The following CYP4F22 variants were observed in gnomAD, a reference collection of about 807,000 sequenced individuals.
The protein encoded by CYP4F22 is cytochrome P450 family 4 subfamily F member 22, also known as ultra-long-chain fatty acid omega-hydroxylase.
Under a neutral mutation model 60.4 loss-of-function variants are expected in CYP4F22, and 37 were observed. That is an observed-to-expected ratio of 0.61 (90% confidence interval 0.47 to 0.81). The LOEUF (loss-of-function observed/expected upper bound fraction) is 0.81, where lower values mean the gene tolerates loss of function less well. CYP4F22 is among the 30% of genes least tolerant of loss of function. The pLI, the probability that CYP4F22 is intolerant of heterozygous loss-of-function variation, is 0.00. For missense variants in CYP4F22, 655 were observed against 715.0 expected (o/e 0.92, Z 0.96); for synonymous variants, 258 against 280.5 (o/e 0.92, Z 0.80).
intron 1 of CYP4F22, among the ~76,000 whole-genome samples, chr19:15,512,079 A>G (rs1971099091): frequency 6.6e-6 from 1 of 152,212 alleles, no homozygotes; most frequent in Admixed American, 6.5e-5. Flanking sequence ...TCTATCAAAT[A>G]GCAATAATAG....
chr19:15,525,063 C>A (rs1971266084), intron 2 of CYP4F22, among the ~76,000 whole-genome samples: 1 of 152,156 alleles, frequency 6.6e-6, no homozygotes, highest in Non-Finnish European at 1.5e-5. Flanking sequence ...GGTTTCCCAG[C>A]CTGACCGGCT....
rs540292351 is a variant in CYP4F22, at chr19:15,523,379, A to G, written c.-108-314A>G. Among the ~76,000 whole-genome samples, 31 of 152,042 alleles carry G rather than the reference A, an allele frequency of 2.0e-4. No homozygotes were observed. The South Asian group carries it at 5.4e-3, about 26-fold the overall frequency. On this transcript the variant is annotated intron_variant, in intron 1 of 13. Transcript: ENST00000269703. ...CTGTCTCCAAACAAAAAACAAAAAA[A>G]CTCACAACAAGATCCCATGAGAACT...
intron 11 of CYP4F22, among the ~76,000 whole-genome samples, 198 bp from the exon 12 acceptor site, chr19:15,548,940 A>G (rs1971563625): frequency 1.3e-5 from 2 of 152,138 alleles, no homozygotes; most frequent in Admixed American, 6.6e-5. Context: ...TGGCAGCCAG[A>G]AAGAAGATGA....
At chr19:15,543,646 C>T (rs967527997) in intron 8 of CYP4F22, among the ~76,000 whole-genome samples, 1 of 151,984 alleles carries the variant, frequency 6.6e-6, no homozygotes, top group African/African-American at 2.4e-5. Flanking sequence ...CACTTGAGGC[C>T]ACGAGTTCGA....
intron 1 of CYP4F22, chr19:15,516,842 T>G: frequency 2.6e-6 from 1 of 380,410 alleles, no homozygotes; most frequent in East Asian, 8.3e-5. Flanking sequence ...ATTCTTTTTT[T>G]TTTTTTTTTT....
intron 4 of CYP4F22, among the ~76,000 whole-genome samples, chr19:15,531,141 C>T (rs1316622955): frequency 6.6e-6 from 1 of 152,128 alleles, no homozygotes; most frequent in East Asian, 1.9e-4. Context: ...ACTTGGGTGG[C>T]TGAGATGGGA....
At chr19:15,535,910 C>G (rs1302802918) in intron 4 of CYP4F22, among the ~76,000 whole-genome samples, 1 of 152,220 alleles carries the variant, frequency 6.6e-6, no homozygotes, top group Admixed American at 6.5e-5. Flanking sequence ...TCCAGAGTGA[C>G]TGCTGGGTCA....
intron 3 of CYP4F22, among the ~76,000 whole-genome samples, chr19:15,529,259 G>A (rs1361703808): frequency 6.6e-6 from 1 of 151,810 alleles, no homozygotes; most frequent in Non-Finnish European, 1.5e-5. Flanking sequence ...CTCCTGAGTA[G>A]CTGGGATTAC....
intron 4 of CYP4F22, 50 bp from the exon 5 acceptor site, chr19:15,537,311 A>G: frequency 1.2e-6 from 2 of 1,612,576 alleles, no homozygotes; most frequent in Non-Finnish European, 1.7e-6. Flanking sequence ...AAAAAACAAA[A>G]AACCAAAAAA....
At chr19:15,521,595 C>G (rs767424538) in intron 1 of CYP4F22, among the ~76,000 whole-genome samples, 5 of 152,140 alleles carry the variant, frequency 3.3e-5, no homozygotes, top group South Asian at 2.1e-4. Flanking sequence ...AATATCTCTT[C>G]GAGACACTGC....
chr19:15,525,454 C>G lies in CYP4F22; in HGVS notation c.118C>G (p.Leu40Val). The G allele has an allele frequency of 6.2e-7, 1 of 1,614,178 alleles. No homozygotes were observed. The highest frequency in any genetic ancestry group is 1.1e-5 in the South Asian group (1 of 91,088). Reference sequence around the variant, plus strand: ...GCTCTTCTTCCTGTTCCGCCTGCTGCTGCGGTTCCTGAGGCTCTGCAGGAG... The same window carrying G: ...GCTCTTCTTCCTGTTCCGCCTGCTGGTGCGGTTCCTGAGGCTCTGCAGGAG... ...FLLFFLFRLL[L>V]RFLRLCRSFY... Residue 40 changes from leucine (L) to valine (V), a missense_variant, in exon 3 of 14, where the codon CTG (leucine) becomes GTG (valine). Transcript: ENST00000269703.
chr19:15,534,365 T>A (rs1280164015), intron 4 of CYP4F22, among the ~76,000 whole-genome samples: 1 of 152,134 alleles, frequency 6.6e-6, no homozygotes, highest in Admixed American at 6.5e-5. Context: ...CTCTCAAACA[T>A]AGTGATATGC....
chr19:15,513,643 C>T (rs1479014138), intron 1 of CYP4F22, among the ~76,000 whole-genome samples: 4 of 152,072 alleles, frequency 2.6e-5, no homozygotes, highest in Admixed American at 6.6e-5. Context: ...GGATTACAAG[C>T]GTGAGCCACC....
chr19:15,525,621 G>A (rs1971275028), intron 3 of CYP4F22, 63 bp downstream of exon 3: 5 of 1,506,598 alleles, frequency 3.3e-6, no homozygotes, highest in Non-Finnish European at 4.5e-6. Context: ...AATAGGTAGG[G>A]ATGGTGGGCC....
intron 3 of CYP4F22, among the ~76,000 whole-genome samples, chr19:15,526,634 G>A (rs1439282839): frequency 6.6e-6 from 1 of 152,156 alleles, no homozygotes; most frequent in Non-Finnish European, 1.5e-5. Flanking sequence ...GTAAGTGGCA[G>A]AGCTGGGGTT....
chr19:15,510,605 A>G (rs1971078037), intron 1 of CYP4F22, among the ~76,000 whole-genome samples: 1 of 152,246 alleles, frequency 6.6e-6, no homozygotes. Flanking sequence ...ACAACCCTGC[A>G]ATGGTCTAGA....
rs1338484312 is a variant in CYP4F22 at position 15,547,988 on chromosome 19, AGAGAGAGGGAGAGAGT to A, written c.1137-118_1137-103del. On this transcript the variant is annotated intron_variant, in intron 10 of 13. Transcript: ENST00000269703. The stretch of plus-strand genomic sequence containing the variant: ...GCCCCTGAGAGAGAGAGAGAGAGAG[AGAGAGAGGGAGAGAGT>A]GTGTGTGTGTGTGTGTGTGTGTGTG... 1,047 of 446,832 alleles carry A rather than the reference AGAGAGAGGGAGAGAGT, an allele frequency of 2.3e-3. 28 individuals carry two copies. The African/African-American group carries it at 0.026, about 11-fold the overall frequency. 27.7% of individuals were successfully genotyped at this position (446,832 alleles called of 1,614,324 possible).
intron 4 of CYP4F22, among the ~76,000 whole-genome samples, chr19:15,534,480 T>C (rs1971375167): frequency 6.6e-6 from 1 of 152,068 alleles, no homozygotes. Flanking sequence ...TTTTTTTTTC[T>C]TTTTAAAAAA....
chr19:15,551,809 C>A lies in CYP4F22; in HGVS notation c.*338C>A, dbSNP rs1971602318. 1 of 405,580 alleles carries A rather than the reference C, an allele frequency of 2.5e-6. No homozygotes were observed. The highest frequency in any genetic ancestry group is 4.6e-6 in the Non-Finnish European group (1 of 219,534). The allele number at this position is 405,580 out of a possible 1,614,324, so 25.1% of individuals were successfully genotyped here. On this transcript the variant is annotated 3_prime_UTR_variant, in exon 14 of 14. Transcript: ENST00000269703. ...GGATTGAGGTCCTCAGGCCACGCCC[C>A]TGCAGATCCAGGTCTCCAGGCCTTG...
Sources: gnomAD v4.1 joint callset for allele counts (sites outside exome capture counted in the v4.1 genomes callset) on GRCh38, gnomAD v4.1.1 for gene constraint, MANE v1.5 for transcripts, NCBI Gene and HGNC (gene_info 2026-07-23, HGNC 2026-07-21) for gene names.